PITRM1: variants seen among roughly 807,000 people sequenced by gnomAD.
PITRM1 encodes presequence protease, mitochondrial.
A neutral mutation model predicts 129.9 loss-of-function variants in PITRM1; 100 were observed. The ratio of observed to expected loss-of-function variants is 0.77; its 90% confidence interval spans 0.65 to 0.91. The LOEUF (loss-of-function observed/expected upper bound fraction) is 0.91, where lower values mean the gene tolerates loss of function less well. PITRM1 is among the 40% of genes least tolerant of loss of function. The pLI is 0.00. For synonymous variants in PITRM1, 591 were observed against 508.8 expected (o/e 1.16, Z -2.17); for missense variants, 1,471 against 1,318.3 (o/e 1.12, Z -1.79).
chr10:3,153,605 C>T (rs929326677), intron 14 of PITRM1, among the ~76,000 whole-genome samples: 2 of 150,652 alleles, frequency 1.3e-5, no homozygotes, highest in East Asian at 2.0e-4. Context: ...GGTGACAAGG[C>T]GAGACTCCGT....
At chr10:3,167,151 T>C in intron 2 of PITRM1, 109 bp from the exon 3 acceptor site, 2 of 640,586 alleles carry the variant, frequency 3.1e-6, no homozygotes, top group Non-Finnish European at 5.5e-6. Context: ...AATTAGATGA[T>C]GCCGGGAAGG....
At chr10:3,143,100 G>C (rs1000485017) in intron 23 of PITRM1, 4 of 394,210 alleles carry the variant, frequency 1.0e-5, no homozygotes, top group African/African-American at 2.0e-5. Context: ...TGAGTACATG[G>C]GGCATGTTGA....
At position 3,148,157 on chromosome 10, in the gene PITRM1, C is replaced by T. The variant is rs367766534; in HGVS notation, c.1992+14G>A. Reference sequence around the variant, plus strand: ...GCTTCCCACCGCAGCAGTCGTCTGACGGTACCAGGCTACCTGCTCGTAGGT... The same window carrying T: ...GCTTCCCACCGCAGCAGTCGTCTGATGGTACCAGGCTACCTGCTCGTAGGT... On this transcript the variant is annotated intron_variant, in intron 17 of 26. Transcript: ENST00000224949. 2.7e-5 allele frequency: 44 copies of T among 1,613,882 alleles called. No homozygotes were observed. The highest frequency in any genetic ancestry group is 2.6e-4 in the South Asian group (24 of 91,082).
rs764006756 is a variant in PITRM1 at position 3,157,283 on chromosome 10, G to A, written c.1347+152C>T. 1.8e-4 allele frequency: 115 copies of A among 640,168 alleles called. 1 individual carries two copies. The highest frequency in any genetic ancestry group is 2.4e-4 in the Non-Finnish European group (93 of 393,430). The allele number at this position is 640,168 out of a possible 1,614,324, so 39.7% of individuals were successfully genotyped here. A position where few individuals can be genotyped will look rare whatever the true frequency, so the allele number is the denominator to read the frequency against. On this transcript the variant is annotated intron_variant, in intron 12 of 26. Transcript: ENST00000224949. ...AATAAAAAGCACAGGCTGAAATAATGTTTAGGAAATAACCAACAGATTACT... is the reference window on the plus strand; with the variant it reads ...AATAAAAAGCACAGGCTGAAATAATATTTAGGAAATAACCAACAGATTACT...
At chr10:3,155,098 G>T (rs954393657) in intron 14 of PITRM1, among the ~76,000 whole-genome samples, 4 of 152,094 alleles carry the variant, frequency 2.6e-5, no homozygotes, top group Non-Finnish European at 5.9e-5. Context: ...GAGCCACAGG[G>T]CACACCTGTC....
At chr10:3,148,432 A>G (rs1841146250) in intron 16 of PITRM1, 141 bp from the exon 17 acceptor site, 1 of 1,069,242 alleles carries the variant, frequency 9.4e-7, no homozygotes, top group African/African-American at 1.6e-5. Context: ...TTCGAAGGTC[A>G]TAAGCAGGTG....
rs1404128813 is a variant in PITRM1, at chr10:3,149,636, C to G, written c.1856G>C (p.Cys619Ser). 6.3e-7 allele frequency: 1 copy of G among 1,577,334 alleles called. No homozygotes were observed. The highest frequency in any genetic ancestry group is 8.6e-7 in the Non-Finnish European group (1 of 1,164,914). ...EELRPYVPLF[C>S]SVLTKLGCGL... Reference sequence around the variant, plus strand: ...CGACTCGTACTTGGTGAGGACGCTGCAGAAGAGGGGCACATAGGGCCTCAG... The same window carrying G: ...CGACTCGTACTTGGTGAGGACGCTGGAGAAGAGGGGCACATAGGGCCTCAG... The change falls in exon 16 of 27, where the codon TGC becomes TCC. Residue 619 changes from cysteine to serine, a missense_variant. Transcript: ENST00000224949.
chr10:3,138,072 T>G lies in PITRM1; in HGVS notation c.3073A>C (p.Asn1025His), dbSNP rs749180657. 6.2e-7 allele frequency: 1 copy of G among 1,610,306 alleles called. No homozygotes were observed. Among genetic ancestry groups the G allele is most frequent in the Non-Finnish European group, 8.5e-7 (1 of 1,178,620 alleles). The change falls in exon 27 of 27, where the codon AAC (asparagine) becomes CAC (histidine). Residue 1025 changes from asparagine to histidine, a missense_variant. By Grantham distance (68) the Asn-to-His change is moderately conservative (BLOSUM62 1). Coordinates refer to ENST00000224949, the MANE Select transcript of PITRM1 (RefSeq NM_014889.4). ...GATGGGTCCTTGGCAATTTTCGGGTTCTCGGGTCCGAGGATGGCCAGGCCG... is the reference window on the plus strand; with the variant it reads ...GATGGGTCCTTGGCAATTTTCGGGTGCTCGGGTCCGAGGATGGCCAGGCCG... Reference protein sequence around the residue: ...THGLAILGPENPKIAKDPSWI... With the variant: ...THGLAILGPEHPKIAKDPSWI...
At chr10:3,139,334 G>A (rs1046315347) in intron 24 of PITRM1, among the ~76,000 whole-genome samples, 2 of 152,194 alleles carry the variant, frequency 1.3e-5, no homozygotes, top group African/African-American at 2.4e-5. Context: ...CATCAGGAGA[G>A]GAAAGTCAGT....
At chr10:3,148,105 T>G in intron 17 of PITRM1, 42 bp from the exon 18 acceptor site, 7 of 1,613,844 alleles carry the variant, frequency 4.3e-6, no homozygotes, top group South Asian at 1.1e-5. Context: ...TAGGGCCGAA[T>G]CGAACAGTGA....
chr10:3,147,433 C>A, intron 19 of PITRM1, 139 bp downstream of exon 19: 1 of 1,120,752 alleles, frequency 8.9e-7, no homozygotes. Context: ...TCAAAACCAA[C>A]CAACCAATTC....
At chr10:3,152,239 G>A (rs974090247) in intron 14 of PITRM1, among the ~76,000 whole-genome samples, 1 of 152,166 alleles carries the variant, frequency 6.6e-6, no homozygotes, top group African/African-American at 2.4e-5. Flanking sequence ...GAATCCAGAA[G>A]ACCCAGGCGT....
At chr10:3,159,144 A>G in intron 9 of PITRM1, 102 bp from the exon 10 acceptor site, 1 of 1,041,526 alleles carries the variant, frequency 9.6e-7, no homozygotes, top group Non-Finnish European at 1.4e-6. Flanking sequence ...ATCTTTCTAG[A>G]AATTCTTGCA....
chr10:3,172,594 C>T (rs1349179246), intron 1 of PITRM1, 123 bp downstream of exon 1: 1 of 890,666 alleles, frequency 1.1e-6, no homozygotes, highest in Non-Finnish European at 1.6e-6. Flanking sequence ...GTGCGGGACG[C>T]CCACAGCTTG....
chr10:3,169,733 G>C (rs1488098576), intron 2 of PITRM1, among the ~76,000 whole-genome samples: 1 of 152,240 alleles, frequency 6.6e-6, no homozygotes, highest in Admixed American at 6.5e-5. Flanking sequence ...CGGACGTTTA[G>C]AGCAAGCTAT....
chr10:3,148,430 T>A (rs1405686852), intron 16 of PITRM1, 139 bp from the exon 17 acceptor site: 23 of 1,104,324 alleles, frequency 2.1e-5, no homozygotes, highest in Non-Finnish European at 2.9e-5. Flanking sequence ...ACTTCGAAGG[T>A]CATAAGCAGG....
In PITRM1 at chr10:3,147,989, G is replaced by A. The variant is rs754532950; in HGVS notation, c.2067C>T (p.Asn689=). 24 of 1,608,574 alleles carry A rather than the reference G, an allele frequency of 1.5e-5. No individual in the cohort carries two copies. The South Asian group carries it at 2.3e-4, about 15-fold the overall frequency. Residue 689 remains asparagine (N), a splice_region_variant and synonymous_variant, in exon 18 of 27, where the codon AAC becomes AAT. Transcript: ENST00000224949. The part of the protein sequence containing the change: ...DMMQLWSEIF[N]NPCFEEEEHF... The stretch of plus-strand genomic sequence containing the variant: ...ACAACTCTTGCAAATAAAGTTACTT[G>A]TTAAATATTTCACTCCATAGCTGCA...
At chr10:3,140,656 A>G (rs1281393487) in intron 24 of PITRM1, 31 bp downstream of exon 24, 1 of 1,580,594 alleles carries the variant, frequency 6.3e-7, no homozygotes, top group Admixed American at 1.8e-5. Context: ...CGACGTGTGC[A>G]TCCCAATGTG....
intron 18 of PITRM1, 65 bp downstream of exon 18, chr10:3,147,922 A>C: frequency 2.3e-6 from 3 of 1,325,540 alleles, no homozygotes. Flanking sequence ...TGTCTCCTTT[A>C]AAGTACTTCA....
Sources: gnomAD v4.1 joint callset for allele counts (sites outside exome capture counted in the v4.1 genomes callset) on GRCh38, gnomAD v4.1.1 for gene constraint, MANE v1.5 for transcripts, NCBI Gene and HGNC (gene_info 2026-07-23, HGNC 2026-07-21) for gene names.